The following TUBE1 variants were observed in gnomAD, a reference collection of about 807,000 sequenced individuals.
The protein encoded by TUBE1 is tubulin epsilon 1, also known as tubulin epsilon chain.
A neutral mutation model predicts 53.5 loss-of-function variants in TUBE1; 34 were observed. That is an observed-to-expected ratio of 0.64 (90% confidence interval 0.48 to 0.85). The LOEUF (loss-of-function observed/expected upper bound fraction) is 0.85. Ranked by LOEUF, TUBE1 falls within the 40% of genes least tolerant of loss-of-function variation. The probability of loss-of-function intolerance (pLI) is 0.00; values close to 1 mark genes in which losing one functional copy is unlikely to be tolerated. For synonymous variants in TUBE1, 177 were observed against 198.4 expected (o/e 0.89, Z 0.91); for missense variants, 532 against 570.5 (o/e 0.93, Z 0.69).
In TUBE1 at chr6:112,087,481, C is replaced by G. The variant is rs1448829605; in HGVS notation, c.-47G>C. ...GGAGCTTGCTAGCCCGCGGCCGCTT[C>G]TGCATTCCCCCAGCAACGGCGCTCT... On this transcript the variant is annotated 5_prime_UTR_variant, in exon 1 of 12. Transcript: ENST00000368662. 22 of 1,545,596 alleles carry G rather than the reference C, an allele frequency of 1.4e-5. No individual in the cohort carries two copies. Among genetic ancestry groups the G allele is most frequent in the Non-Finnish European group, 1.9e-5 (22 of 1,144,456 alleles).
At position 112,086,414 on chromosome 6, in the gene TUBE1, TAA is replaced by T. The variant is rs1777157744; in HGVS notation, c.152+140_152+141del. 9 of 502,962 alleles carry T rather than the reference TAA, an allele frequency of 1.8e-5. No homozygotes were observed. The East Asian group carries it at 3.0e-4, about 17-fold the overall frequency. 31.2% of individuals were successfully genotyped at this position (502,962 alleles called of 1,614,324 possible). ...AAATGATATAAGAATATTAATAATC[TAA>T]TAGAATAAATATGCTTTCAATAATG... On this transcript the variant is annotated intron_variant, in intron 3 of 11. Transcript: ENST00000368662.
chr6:112,071,384 T>C lies in TUBE1; in HGVS notation c.*28A>G, dbSNP rs1387105066. 1 of 1,453,374 alleles carries C rather than the reference T, an allele frequency of 6.9e-7. No homozygotes were observed. Among genetic ancestry groups the C allele is most frequent in the African/African-American group, 1.4e-5 (1 of 71,438 alleles). The allele number at this position is 1,453,374 out of a possible 1,614,324, so 90.0% of individuals were successfully genotyped here. A position where few individuals can be genotyped will look rare whatever the true frequency, so the allele number is the denominator to read the frequency against. On this transcript the variant is annotated 3_prime_UTR_variant, in exon 12 of 12. Transcript: ENST00000368662. ...AAGGTCAGAAAAAACAATGTGAAAT[T>C]AAGAAAGTATTTTTGAGGGTTTCTT...
chr6:112,081,298 C>A, intron 4 of TUBE1, 91 bp from the exon 5 acceptor site: 1 of 586,380 alleles, frequency 1.7e-6, no homozygotes, highest in East Asian at 3.1e-5. Flanking sequence ...GAATATTGCA[C>A]TGTTCTCTTT....
At chr6:112,084,136 ATAGT>A in intron 4 of TUBE1, 49 bp downstream of exon 4, 2 of 1,375,648 alleles carry the variant, frequency 1.5e-6, no homozygotes, top group Non-Finnish European at 2.1e-6. Flanking sequence ...GTTACTGAGA[ATAGT>A]TATTTAAAAA....
At chr6:112,081,257 T>G in intron 4 of TUBE1, 50 bp from the exon 5 acceptor site, 1 of 1,042,872 alleles carries the variant, frequency 9.6e-7, no homozygotes, top group Non-Finnish European at 1.4e-6. Context: ...TTAGAGTTAT[T>G]CACTCTGTAA....
At position 112,070,890 on chromosome 6, in the gene TUBE1, A is replaced by G. The variant is rs1554315184; in HGVS notation, c.*522T>C. On this transcript the variant is annotated 3_prime_UTR_variant, in exon 12 of 12. Coordinates refer to ENST00000368662, the MANE Select transcript of TUBE1 (RefSeq NM_016262.5). The stretch of plus-strand genomic sequence containing the variant: ...TACAAATTAGGATTCTTTTGGGCAA[A>G]CAAGTTGTTATCTAAAGAAGAAGCA... 1 of 152,168 alleles carries G rather than the reference A, an allele frequency of 6.6e-6. No homozygotes were observed. Among genetic ancestry groups the G allele is most frequent in the East Asian group, 1.9e-4 (1 of 5,204 alleles). The allele number at this position is 152,168 out of a possible 1,614,324, so 9.4% of individuals were successfully genotyped here.
chr6:112,077,662 T>C (rs1474124097), intron 6 of TUBE1: 1 of 152,056 alleles, frequency 6.6e-6, no homozygotes, highest in East Asian at 1.9e-4. Context: ...AAGGCTATGA[T>C]GCTAAAAATA....
chr6:112,085,752 G>A (rs45605633), intron 3 of TUBE1: 5,238 of 470,410 alleles, frequency 0.011, 46 homozygotes, highest in Non-Finnish European at 0.016. Flanking sequence ...TCCTACAAAA[G>A]ATAAAGTAAT....
chr6:112,072,344 C>G (rs372678282), intron 10 of TUBE1, among the ~76,000 whole-genome samples: 3 of 152,018 alleles, frequency 2.0e-5, no homozygotes, highest in African/African-American at 7.2e-5. Flanking sequence ...GAGTAGAAAT[C>G]TAGGGATATA....
rs1554315274 is a variant in TUBE1, at chr6:112,071,367, A to G, written c.*45T>C. The G allele has an allele frequency of 2.1e-6, 3 of 1,437,382 alleles. No individual in the cohort carries two copies. The East Asian group carries it at 7.0e-5, about 34-fold the overall frequency. The allele number at this position is 1,437,382 out of a possible 1,614,324, so 89.0% of individuals were successfully genotyped here. Reference sequence around the variant, plus strand: ...AAAAATGTTGAAACAGAAAGGTCAGAAAAAACAATGTGAAATTAAGAAAGT... The same window carrying G: ...AAAAATGTTGAAACAGAAAGGTCAGGAAAAACAATGTGAAATTAAGAAAGT... On this transcript the variant is annotated 3_prime_UTR_variant, in exon 12 of 12. Transcript: ENST00000368662.
intron 4 of TUBE1, among the ~76,000 whole-genome samples, chr6:112,083,511 G>A (rs1777103387): frequency 6.6e-6 from 1 of 151,852 alleles, no homozygotes; most frequent in Non-Finnish European, 1.5e-5. Flanking sequence ...GTAGAGACGG[G>A]GTTTCACCAT....
At chr6:112,074,965 G>A in intron 8 of TUBE1, 115 bp from the exon 9 acceptor site, 1 of 527,512 alleles carries the variant, frequency 1.9e-6, no homozygotes, top group South Asian at 4.9e-5. Context: ...CTGTTCTTCA[G>A]TGCAGAACAC....
Position 112,072,083 on chromosome 6 carries a change from T to A in TUBE1, c.1095-7A>T, listed in dbSNP as rs781967693. On this transcript the variant is annotated splice_polypyrimidine_tract_variant and splice_region_variant and intron_variant, in intron 10 of 11. Coordinates refer to ENST00000368662, the MANE Select transcript of TUBE1 (RefSeq NM_016262.5). ...TTGTAGAGATGGTTTTAATCTGAGA[T>A]TAAAAAAAAAAATCTCAGAAGGTGA... is the stretch of plus-strand genomic sequence containing the variant. 10 of 1,565,718 alleles carry A rather than the reference T, an allele frequency of 6.4e-6. No homozygotes were observed. In the Admixed American group the frequency reaches 1.7e-4, roughly 26 times the overall value.
intron 9 of TUBE1, among the ~76,000 whole-genome samples, chr6:112,073,765 A>T (rs1776907575): frequency 6.6e-6 from 1 of 152,194 alleles, no homozygotes; most frequent in Non-Finnish European, 1.5e-5. Flanking sequence ...AAAAACTTTT[A>T]AAAAATTATT....
At chr6:112,079,466 C>T in intron 6 of TUBE1, 167 bp downstream of exon 6, 1 of 501,834 alleles carries the variant, frequency 2.0e-6, no homozygotes, top group Non-Finnish European at 3.3e-6. Context: ...GACATAATTC[C>T]ACAAAATTTT....
Position 112,081,139 on chromosome 6 carries a change from A to T in TUBE1, c.279T>A (p.Phe93Leu). The change falls in exon 5 of 12, where the codon TTT becomes TTA. Residue 93 changes from phenylalanine (F) to leucine (L), a missense_variant. Phe to Leu is a conservative substitution (Grantham distance 22). Transcript: ENST00000368662. ...TATCAGTGATGAGCTGTTTCGTATC[A>T]AATACATCTCTCAGTGGTCCCTGCA... is the stretch of plus-strand genomic sequence containing the variant. ...EILQGPLRDV[F>L]DTKQLITDIS... 6.2e-7 allele frequency: 1 copy of T among 1,610,040 alleles called. No individual in the cohort carries two copies. The highest frequency in any genetic ancestry group is 1.1e-5 in the South Asian group (1 of 90,722).
At position 112,072,916 on chromosome 6, in the gene TUBE1, T is replaced by C. The variant is rs1554315587; in HGVS notation, c.954-18A>G. ...GATCCAATCTGCAACAATGAAATTG[T>C]CATTGTTTATACAAAATATTACTTC... On this transcript the variant is annotated intron_variant, in intron 9 of 11. Transcript: ENST00000368662. 6.2e-7 allele frequency: 1 copy of C among 1,610,840 alleles called. No individual in the cohort carries two copies. Among genetic ancestry groups the C allele is most frequent in the Non-Finnish European group, 8.5e-7 (1 of 1,178,456 alleles).
In TUBE1 at chr6:112,072,806, A is replaced by G. The variant is rs1554315542; in HGVS notation, c.1046T>C (p.Met349Thr). 6.2e-7 allele frequency: 1 copy of G among 1,613,518 alleles called. No individual in the cohort carries two copies. Among genetic ancestry groups the G allele is most frequent in the South Asian group, 1.1e-5 (1 of 91,048 alleles). ...KHSLYLACAL[M>T]VRGNVQISDL... ...TGAAATTTGTACATTTCCTCTAACC[A>G]TGAGTGCACAGGCGAGGTAAAGACT... Residue 349 changes from methionine to threonine, a missense_variant, in exon 10 of 12, where the codon ATG (methionine) becomes ACG (threonine). Physicochemically the swap from Met to Thr is moderately conservative, Grantham distance 81 (BLOSUM62 -1). Coordinates refer to ENST00000368662, the MANE Select transcript of TUBE1 (RefSeq NM_016262.5).
intron 5 of TUBE1, 88 bp downstream of exon 5, chr6:112,081,004 C>A: frequency 2.4e-6 from 2 of 830,250 alleles, no homozygotes; most frequent in South Asian, 1.8e-5. Context: ...CAAATTACAT[C>A]CTGTTTCGTA....
Sources: gnomAD v4.1 joint callset for allele counts (sites outside exome capture counted in the v4.1 genomes callset) on GRCh38, gnomAD v4.1.1 for gene constraint, MANE v1.5 for transcripts, NCBI Gene and HGNC (gene_info 2026-07-23, HGNC 2026-07-21) for gene names.